The following TMEM245 variants were observed in gnomAD, a reference collection of about 807,000 sequenced individuals.
TMEM245 encodes the protein protein CG-2.
A neutral mutation model predicts 101.2 loss-of-function variants in TMEM245; 69 were observed. That is an observed-to-expected ratio of 0.68 (90% confidence interval 0.56 to 0.83). TMEM245 has a LOEUF of 0.83. Among genes scored for constraint, TMEM245 ranks in the 40% least tolerant of loss-of-function variants. The pLI is 0.00. For synonymous variants in TMEM245, 537 were observed against 449.8 expected (o/e 1.19, Z -2.45); for missense variants, 1,075 against 1,092.8 (o/e 0.98, Z 0.23).
intron 9 of TMEM245, among the ~76,000 whole-genome samples, chr9:109,068,411 C>T (rs117234261): frequency 0.018 from 2,626 of 147,422 alleles, 32 homozygotes; most frequent in South Asian, 0.047. Context: ...GAGGCCAAAG[C>T]GGGTGGATCA....
intron 8 of TMEM245, among the ~76,000 whole-genome samples, chr9:109,074,061 T>C (rs1829421369): frequency 6.6e-6 from 1 of 152,110 alleles, no homozygotes; most frequent in Non-Finnish European, 1.5e-5. Flanking sequence ...GGTTTTGCCA[T>C]GTTGGCCAGG....
At chr9:109,073,581 G>A (rs1829398714) in intron 8 of TMEM245, 143 bp from the exon 9 acceptor site, 2 of 609,012 alleles carry the variant, frequency 3.3e-6, no homozygotes, top group Non-Finnish European at 5.7e-6. Context: ...GAAACATGCA[G>A]CGCAAAGTTA....
rs1043295791 is a variant in TMEM245 at position 109,093,489 on chromosome 9, G to C, written c.902C>G (p.Ser301Cys). 1 of 1,613,302 alleles carries C rather than the reference G, an allele frequency of 6.2e-7. No homozygotes were observed. The highest frequency in any genetic ancestry group is 1.3e-5 in the African/African-American group (1 of 74,898). ...ACATCAGTCACCTGCAGGCTGAGTG[G>C]AGGGCTGGTCTTCACTGCTTGATTC... ...GYESSSEDQP[S>C]TQPAEAVDRG... The change falls in exon 4 of 18, where the codon TCC (serine) becomes TGC (cysteine). Residue 301 changes from serine (S) to cysteine (C), a missense_variant. By Grantham distance (112) the Ser-to-Cys change is moderately radical. Transcript: ENST00000374586.
chr9:109,087,460 A>T (rs755270146), intron 5 of TMEM245, 118 bp from the exon 6 acceptor site: 54 of 1,047,474 alleles, frequency 5.2e-5, no homozygotes, highest in South Asian at 1.1e-4. Context: ...ATTAAAAAGA[A>T]GATCAATGTT....
At position 109,073,379 on chromosome 9, in the gene TMEM245, TAG is replaced by T. The variant is rs773311883; in HGVS notation, c.1507_1508del (p.Leu503SerfsTer5). 2.6e-5 allele frequency: 42 copies of T among 1,612,966 alleles called. No homozygotes were observed. Among genetic ancestry groups the T allele is most frequent in the Non-Finnish European group, 3.6e-5 (42 of 1,179,568 alleles). ...ACTTTGCCCACTCAGGGTGATTTGC[TAG>T]AGTTTCATTAATCAAATTACTTGTG... ...EVTSNLINET[L>X]ANHPEWANWL... On this transcript the variant is annotated frameshift_variant, in exon 9 of 18. Coordinates refer to ENST00000374586, the MANE Select transcript of TMEM245 (RefSeq NM_032012.4). LOFTEE classifies it high-confidence loss of function.
At chr9:109,072,130 T>A (rs1829352571) in intron 9 of TMEM245, among the ~76,000 whole-genome samples, 1 of 152,122 alleles carries the variant, frequency 6.6e-6, no homozygotes, top group African/African-American at 2.4e-5. Context: ...TATGGGACAA[T>A]AAGTTGTGGA....
intron 3 of TMEM245, among the ~76,000 whole-genome samples, chr9:109,104,731 C>CAT (rs888635356): frequency 2.0e-5 from 3 of 151,986 alleles, no homozygotes; most frequent in Admixed American, 6.6e-5. Context: ...GAAATAAACC[C>CAT]ATATATATAT....
intron 15 of TMEM245, among the ~76,000 whole-genome samples, chr9:109,037,598 C>T (rs1828170360): frequency 2.6e-5 from 4 of 152,168 alleles, no homozygotes; most frequent in Non-Finnish European, 5.9e-5. Flanking sequence ...TCTCTTCCTC[C>T]TGCTCCAGCC....
At chr9:109,052,924 A>T (rs1372673577) in intron 12 of TMEM245, among the ~76,000 whole-genome samples, 1 of 151,958 alleles carries the variant, frequency 6.6e-6, no homozygotes, top group Non-Finnish European at 1.5e-5. Context: ...ACAACAAAAA[A>T]GTAACCTTTC....
intron 1 of TMEM245, among the ~76,000 whole-genome samples, chr9:109,115,522 CTTTTTTTT>C (rs752894720): frequency 5.1e-4 from 34 of 67,194 alleles, no homozygotes; most frequent in African/African-American, 1.4e-3. Context: ...TAACTGGAAT[CTTTTTTTT>C]TTTTTTTTTT....
At position 109,026,583 on chromosome 9, in the gene TMEM245, A is replaced by C. The variant is rs188398202; in HGVS notation, c.2595-6078T>G. Among the ~76,000 whole-genome samples the C allele has an allele frequency of 1.5e-3, 225 of 151,638 alleles. 1 individual carries two copies. The highest frequency in any genetic ancestry group is 5.1e-3 in the African/African-American group (210 of 41,240). On this transcript the variant is annotated intron_variant, in intron 17 of 17. Transcript: ENST00000374586. Reference sequence around the variant, plus strand: ...CGGACAGCAAAGGCCATGAAAGAAAAAAAAAAGAACTAAGAGGCAAAAGCA... The same window carrying C: ...CGGACAGCAAAGGCCATGAAAGAAACAAAAAAGAACTAAGAGGCAAAAGCA...
chr9:109,098,567 A>G (rs1206156245), intron 3 of TMEM245, among the ~76,000 whole-genome samples: 1 of 152,050 alleles, frequency 6.6e-6, no homozygotes, highest in African/African-American at 2.4e-5. Context: ...AAAAAAAAAC[A>G]AAAAACAACA....
intron 16 of TMEM245, 149 bp from the exon 17 acceptor site, chr9:109,033,650 G>T: frequency 1.6e-6 from 1 of 629,370 alleles, no homozygotes; most frequent in Non-Finnish European, 2.5e-6. Flanking sequence ...ACTGAACACT[G>T]ACTGCAATAA....
At chr9:109,064,156 T>C (rs912803694) in intron 10 of TMEM245, among the ~76,000 whole-genome samples, 2 of 152,138 alleles carry the variant, frequency 1.3e-5, no homozygotes, top group Non-Finnish European at 2.9e-5. Flanking sequence ...CAGCAGACAA[T>C]AAGATTTAAT....
intron 12 of TMEM245, among the ~76,000 whole-genome samples, chr9:109,054,287 T>TA (rs1214474774): frequency 2.0e-5 from 3 of 152,182 alleles, no homozygotes; most frequent in African/African-American, 7.2e-5. Flanking sequence ...AAGGATGCAG[T>TA]AAGCCACAGT....
At chr9:109,029,463 G>A (rs1827886341) in intron 17 of TMEM245, among the ~76,000 whole-genome samples, 1 of 152,084 alleles carries the variant, frequency 6.6e-6, no homozygotes, top group Non-Finnish European at 1.5e-5. Context: ...AATCCTAGAA[G>A]CCAGAAAACA....
At chr9:109,090,619 G>C (rs1038769937) in intron 5 of TMEM245, among the ~76,000 whole-genome samples, 1 of 151,616 alleles carries the variant, frequency 6.6e-6, no homozygotes, top group Non-Finnish European at 1.5e-5. Flanking sequence ...AGCTACTCGG[G>C]AGGCTGAGGC....
At chr9:109,058,597 G>A (rs1174164997) in intron 11 of TMEM245, among the ~76,000 whole-genome samples, 1 of 152,118 alleles carries the variant, frequency 6.6e-6, no homozygotes, top group Non-Finnish European at 1.5e-5. Flanking sequence ...CAAGCATGAT[G>A]GTAGGAATGT....
rs117529548 is a variant in TMEM245 at position 109,065,758 on chromosome 9, G to T, written c.1533-1191C>A. On this transcript the variant is annotated intron_variant, in intron 9 of 17. Transcript: ENST00000374586. Reference sequence around the variant, plus strand: ...GATGTTGACATTCACAAATTTAACAGTCCTCATTTCAACTATTCCAGAGTG... The same window carrying T: ...GATGTTGACATTCACAAATTTAACATTCCTCATTTCAACTATTCCAGAGTG... 8.8e-3 allele frequency among the ~76,000 whole-genome samples: 1,339 copies of T among 152,150 alleles called. 10 individuals are homozygous for T. Among genetic ancestry groups the T allele is most frequent in the Non-Finnish European group, 0.013 (887 of 68,004 alleles).
Sources: gnomAD v4.1 joint callset for allele counts (sites outside exome capture counted in the v4.1 genomes callset) on GRCh38, gnomAD v4.1.1 for gene constraint, MANE v1.5 for transcripts, NCBI Gene and HGNC (gene_info 2026-07-23, HGNC 2026-07-21) for gene names.